The following DOCK3 variants were observed in gnomAD, a reference collection of about 807,000 sequenced individuals.
The protein encoded by DOCK3 is dedicator of cytokinesis 3, also known as dedicator of cytokinesis protein 3.
Under a neutral mutation model 265.6 loss-of-function variants are expected in DOCK3, and 60 were observed. The ratio of observed to expected loss-of-function variants is 0.23; its 90% CI spans 0.18 to 0.28. The LOEUF is 0.28. Ranked by LOEUF, DOCK3 falls within the 10% of genes least tolerant of loss-of-function variation. The pLI is 1.00. For missense variants in DOCK3, 1,981 were observed against 2,594.3 expected, an observed-to-expected ratio of 0.76 and a Z score of 5.14; for synonymous variants, 881 against 938.0, an observed-to-expected ratio of 0.94 and a Z score of 1.11.
intron 3 of DOCK3, among the ~76,000 whole-genome samples, chr3:50,855,635 A>G (rs754670794): frequency 2.6e-5 from 4 of 152,058 alleles, no homozygotes; most frequent in South Asian, 4.2e-4. Context: ...TTCTTTTCCT[A>G]TTTGGATGCC....
At chr3:51,251,148 C>T (rs1382838260) in intron 22 of DOCK3, among the ~76,000 whole-genome samples, 1 of 152,168 alleles carries the variant, frequency 6.6e-6, no homozygotes, top group Non-Finnish European at 1.5e-5. Context: ...CGATAGTTTG[C>T]TCAGAATGAT....
At chr3:51,040,340 G>A (rs946217147) in intron 5 of DOCK3, among the ~76,000 whole-genome samples, 1 of 151,932 alleles carries the variant, frequency 6.6e-6, no homozygotes, top group East Asian at 1.9e-4. Context: ...AGTGAATATT[G>A]CAATAAAGCA....
intron 2 of DOCK3, among the ~76,000 whole-genome samples, chr3:50,781,107 A>T (rs1345989105): frequency 6.6e-6 from 1 of 152,046 alleles, no homozygotes; most frequent in Non-Finnish European, 1.5e-5. Context: ...GTGCTGCAAT[A>T]AACATGGAAG....
intron 3 of DOCK3, among the ~76,000 whole-genome samples, chr3:50,844,743 A>G (rs911320548): frequency 6.6e-6 from 1 of 152,202 alleles, no homozygotes; most frequent in Non-Finnish European, 1.5e-5. Context: ...ATTTTATGCT[A>G]GATGATTTTC....
chr3:50,716,601 G>A (rs1277095878), intron 1 of DOCK3, among the ~76,000 whole-genome samples: 1 of 150,150 alleles, frequency 6.7e-6, no homozygotes, highest in South Asian at 2.1e-4. Context: ...TTTTTTTGGT[G>A]TAGTAATTTT....
At chr3:51,321,622 A>G (rs1424104032) in intron 32 of DOCK3, among the ~76,000 whole-genome samples, 2 of 152,192 alleles carry the variant, frequency 1.3e-5, no homozygotes, top group Non-Finnish European at 2.9e-5. Flanking sequence ...ACCAGTTTAG[A>G]GAAGAACATA....
chr3:51,058,892 A>C (rs1344776331), intron 5 of DOCK3, among the ~76,000 whole-genome samples: 3 of 152,162 alleles, frequency 2.0e-5, no homozygotes, highest in African/African-American at 4.8e-5. Flanking sequence ...ATATATGTAT[A>C]AAATAATTAC....
chr3:51,042,068 C>A (rs2080554907), intron 5 of DOCK3, among the ~76,000 whole-genome samples: 1 of 152,180 alleles, frequency 6.6e-6, no homozygotes, highest in Non-Finnish European at 1.5e-5. Context: ...AGGACTCCTC[C>A]CTAACTCATT....
intron 1 of DOCK3, among the ~76,000 whole-genome samples, chr3:50,767,202 G>T (rs746232314): frequency 2.5e-4 from 38 of 152,118 alleles, no homozygotes; most frequent in Non-Finnish European, 5.0e-4. Flanking sequence ...CCATGCCTAT[G>T]TCCTGAATGG....
chr3:51,208,886 C>T (rs1576417810), intron 13 of DOCK3, 24 bp downstream of exon 13: 1 of 1,592,176 alleles, frequency 6.3e-7, no homozygotes, highest in East Asian at 2.3e-5. Context: ...CTGACTAGAA[C>T]ATTTTGTGTT....
At chr3:50,842,424 T>C (rs1484832140) in intron 3 of DOCK3, among the ~76,000 whole-genome samples, 2 of 152,212 alleles carry the variant, frequency 1.3e-5, no homozygotes, top group Admixed American at 6.5e-5. Context: ...AGAGTTCTAA[T>C]AATCAGTTTT....
chr3:51,048,583 A>G (rs2080864372), intron 5 of DOCK3, among the ~76,000 whole-genome samples: 1 of 152,234 alleles, frequency 6.6e-6, no homozygotes, highest in Non-Finnish European at 1.5e-5. Context: ...CATGCAGGAA[A>G]CGAAGTTTGT....
At chr3:50,723,270 G>T (rs1355848728) in intron 1 of DOCK3, among the ~76,000 whole-genome samples, 1 of 152,184 alleles carries the variant, frequency 6.6e-6, no homozygotes, top group Non-Finnish European at 1.5e-5. Flanking sequence ...TGACAGTAAA[G>T]CTAAAGAGAC....
intron 40 of DOCK3, among the ~76,000 whole-genome samples, chr3:51,351,292 A>G (rs1202896538): frequency 6.6e-6 from 1 of 152,238 alleles, no homozygotes; most frequent in Non-Finnish European, 1.5e-5. Flanking sequence ...CTCAGCAAGT[A>G]GCTGGGAAAA....
intron 8 of DOCK3, among the ~76,000 whole-genome samples, chr3:51,089,562 T>G (rs2082558571): frequency 1.3e-5 from 2 of 152,140 alleles, no homozygotes. Flanking sequence ...GAGGTAACAG[T>G]GTAAATCAAG....
chr3:51,338,912 G>GTGT, intron 36 of DOCK3, 23 bp from the exon 37 acceptor site: 1 of 1,568,004 alleles, frequency 6.4e-7, no homozygotes, highest in Non-Finnish European at 8.7e-7. Context: ...TAGTTGACAG[G>GTGT]TGTTTCCTTC....
rs143513856 is a variant in DOCK3, at chr3:51,033,404, G to A, written c.316-31044G>A. Among the ~76,000 whole-genome samples the A allele has an allele frequency of 6.6e-5, 10 of 152,220 alleles. 1 individual carries two copies. In the East Asian group the frequency reaches 1.9e-3, roughly 29 times the overall value. ...GTCTTACTTGGTCCCCTTTTGCTTT[G>A]ACTGGCCCACTTCCACCTTTTAGTA... On this transcript the variant is annotated intron_variant, in intron 5 of 52. Transcript: ENST00000266037.
chr3:50,870,914 T>C (rs942446949), intron 3 of DOCK3, among the ~76,000 whole-genome samples: 1 of 152,106 alleles, frequency 6.6e-6, no homozygotes, highest in Non-Finnish European at 1.5e-5. Context: ...TTAATTCCCC[T>C]GCTTTTCAAC....
At chr3:50,710,153 A>C (rs1484087398) in intron 1 of DOCK3, among the ~76,000 whole-genome samples, 1 of 152,234 alleles carries the variant, frequency 6.6e-6, no homozygotes. Flanking sequence ...AACAAAAATA[A>C]AAATAAATAG....
Sources: gnomAD v4.1 joint callset for allele counts (sites outside exome capture counted in the v4.1 genomes callset) on GRCh38, gnomAD v4.1.1 for gene constraint, MANE v1.5 for transcripts, NCBI Gene and HGNC (gene_info 2026-07-23, HGNC 2026-07-21) for gene names.